NHSL1: variants seen among roughly 807,000 people sequenced by gnomAD.
NHSL1 encodes NHS-like protein 1.
A neutral mutation model predicts 95.0 loss-of-function variants in NHSL1; 48 were observed. The ratio of observed to expected loss-of-function variants is 0.51; its 90% confidence interval spans 0.40 to 0.64. The LOEUF is 0.64. Among genes scored for constraint, NHSL1 ranks in the 30% least tolerant of loss-of-function variants. NHSL1 has a pLI of 0.00. For missense variants in NHSL1, 1,971 were observed against 2,077.7 expected (o/e 0.95, Z 1.00); for synonymous variants, 783 against 833.9 (o/e 0.94, Z 1.05).
chr6:138,609,667 G>A (rs770583174), intron 1 of NHSL1, among the ~76,000 whole-genome samples: 13 of 147,884 alleles, frequency 8.8e-5, no homozygotes, highest in South Asian at 2.2e-4. Context: ...GGAGAATGGC[G>A]TGAACCCGGG....
chr6:138,462,152 T>A (rs969190469), intron 3 of NHSL1, among the ~76,000 whole-genome samples: 3 of 152,210 alleles, frequency 2.0e-5, no homozygotes, highest in Admixed American at 1.3e-4. Flanking sequence ...TCTGTTGCTA[T>A]AAAAGAATAT....
intron 1 of NHSL1, among the ~76,000 whole-genome samples, chr6:138,665,873 T>G (rs1785287578): frequency 6.6e-6 from 1 of 152,214 alleles, no homozygotes; most frequent in Non-Finnish European, 1.5e-5. Context: ...TGATTAAGTT[T>G]CTCCCCAGTT....
chr6:138,581,857 G>T lies in NHSL1; in HGVS notation c.97-85486C>A, dbSNP rs1180695145. On this transcript the variant is annotated intron_variant, in intron 1 of 3. Coordinates refer to the NHSL1 transcript ENST00000491526. ...TCTGTTATATCAGAATGCTCTGAATGAGGAAAAAAAATTAGATTTTGAGGT... is the reference window on the plus strand; with the variant it reads ...TCTGTTATATCAGAATGCTCTGAATTAGGAAAAAAAATTAGATTTTGAGGT... Among the ~76,000 whole-genome samples, 7 of 150,596 alleles carry T rather than the reference G, an allele frequency of 4.6e-5. No individual in the cohort carries two copies. The East Asian group carries it at 7.8e-4, about 17-fold the overall frequency.
intron 2 of NHSL1, among the ~76,000 whole-genome samples, chr6:138,473,737 AGGGTAATTATATTATT>A: frequency 6.6e-6 from 1 of 152,148 alleles, no homozygotes; most frequent in Non-Finnish European, 1.5e-5. Flanking sequence ...ATTGAAGTTT[AGGGTAATTATATTATT>A]TGCTCAATAA....
In NHSL1 at chr6:138,491,561, T is replaced by G. The variant is rs1331656179; in HGVS notation, c.211+4658A>C. On this transcript the variant is annotated intron_variant, in intron 2 of 7. Coordinates refer to ENST00000343505, the MANE Select transcript of NHSL1 (RefSeq NM_001144060.2). ...TCATCACAGCTATCTCCAATGAAGTTCATGAAGGATTCAAACAATGATGGA... is the reference window on the plus strand; with the variant it reads ...TCATCACAGCTATCTCCAATGAAGTGCATGAAGGATTCAAACAATGATGGA... 2.0e-5 allele frequency among the ~76,000 whole-genome samples: 3 copies of G among 152,202 alleles called. No homozygotes were observed. The East Asian group carries it at 5.8e-4, about 29-fold the overall frequency.
intron 2 of NHSL1, among the ~76,000 whole-genome samples, chr6:138,490,169 G>GA (rs1343568790): frequency 1.3e-5 from 2 of 151,868 alleles, no homozygotes; most frequent in African/African-American, 4.8e-5. Flanking sequence ...TAAAGTTACA[G>GA]AAAAAAAGAT....
At chr6:138,663,496 G>A (rs1362082901) in intron 1 of NHSL1, among the ~76,000 whole-genome samples, 4 of 148,762 alleles carry the variant, frequency 2.7e-5, no homozygotes, top group East Asian at 2.0e-4. Flanking sequence ...GGGGGCAGAC[G>A]TTGTGTTGAA....
chr6:138,567,490 T>C (rs1216558041), intron 1 of NHSL1, among the ~76,000 whole-genome samples: 1 of 152,186 alleles, frequency 6.6e-6, no homozygotes, highest in Non-Finnish European at 1.5e-5. Context: ...AGATCACAGC[T>C]ATTTACATGG....
At chr6:138,480,408 C>T (rs1490341480) in intron 2 of NHSL1, among the ~76,000 whole-genome samples, 1 of 152,196 alleles carries the variant, frequency 6.6e-6, no homozygotes, top group Admixed American at 6.5e-5. Flanking sequence ...TAAGTGGACC[C>T]TCCAAGTTCA....
intron 3 of NHSL1, among the ~76,000 whole-genome samples, chr6:138,449,066 A>G (rs1216755119): frequency 6.6e-6 from 1 of 152,012 alleles, no homozygotes; most frequent in Admixed American, 6.5e-5. Flanking sequence ...AAAAAAAAAA[A>G]AAAAAAAAAT....
chr6:138,598,230 A>G (rs144316666), intron 1 of NHSL1, among the ~76,000 whole-genome samples: 1,780 of 152,234 alleles, frequency 0.012, 28 homozygotes, highest in African/African-American at 0.041. Context: ...AGGCCGAGGT[A>G]GATGGATCAC....
upstream of NHSL1, among the ~76,000 whole-genome samples, chr6:138,501,622 G>T (rs767272533): frequency 9.2e-5 from 14 of 152,174 alleles, no homozygotes; most frequent in African/African-American, 1.4e-4. Flanking sequence ...CATCCCCCAG[G>T]ACTAGAGAAG....
At chr6:138,559,629 T>C (rs1783337594) in intron 1 of NHSL1, among the ~76,000 whole-genome samples, 2 of 152,114 alleles carry the variant, frequency 1.3e-5, no homozygotes, top group South Asian at 4.2e-4. Flanking sequence ...TCTACAGAAA[T>C]TCCATCATAG....
rs145867384 is a variant in NHSL1, at chr6:138,624,181, G to A, written c.96+68295C>T. ...AGAAGAGGTGGCAGCAATGGTGGAC[G>A]CTAAGAGAGTGCATCTCCACCTTTA... On this transcript the variant is annotated intron_variant, in intron 1 of 3. Coordinates refer to the NHSL1 transcript ENST00000491526. Among the ~76,000 whole-genome samples the A allele has an allele frequency of 5.5e-3, 834 of 152,250 alleles. 4 individuals are homozygous for A. Among genetic ancestry groups the A allele is most frequent in the South Asian group, 0.015 (72 of 4,822 alleles).
chr6:138,567,462 G>C (rs904342541), intron 1 of NHSL1, among the ~76,000 whole-genome samples: 10 of 152,060 alleles, frequency 6.6e-5, no homozygotes, highest in African/African-American at 2.4e-4. Context: ...CCAATTTAAG[G>C]ATTTTATTAT....
Position 138,430,909 on chromosome 6 carries a change from T to C in NHSL1, c.3436A>G (p.Ser1146Gly). The C allele has an allele frequency of 1.3e-6, 2 of 1,551,522 alleles. No individual in the cohort carries two copies. The highest frequency in any genetic ancestry group is 1.7e-6 in the Non-Finnish European group (2 of 1,146,856). Residue 1146 changes from serine to glycine, a missense_variant, in exon 6 of 8, where the codon AGT becomes GGT. Transcript: ENST00000343505. This position sits in a 1 kb window ranked among gnomAD's most constrained non-coding sequence, Gnocchi z 4.7. ...SSLPTPAKSS[S>G]QGDHGSAAER... ...GCCGCACTGCCATGGTCACCCTGAC[T>C]CGAGCTCTTGGCAGGCGTCGGAAGC...
intron 1 of NHSL1, among the ~76,000 whole-genome samples, chr6:138,532,480 C>T (rs1042873731): frequency 5.9e-5 from 9 of 152,100 alleles, no homozygotes; most frequent in Non-Finnish European, 1.2e-4. Flanking sequence ...TAACAGTCAT[C>T]TCACTGAGGC....
intron 1 of NHSL1, among the ~76,000 whole-genome samples, chr6:138,536,578 G>C (rs973873481): frequency 7.3e-6 from 1 of 137,818 alleles, no homozygotes; most frequent in African/African-American, 2.6e-5. Context: ...AGATTCCGTG[G>C]TTTTGGAGAG....
chr6:138,677,312 C>T (rs1382115391), intron 1 of NHSL1, among the ~76,000 whole-genome samples: 3 of 152,040 alleles, frequency 2.0e-5, no homozygotes, highest in African/African-American at 4.8e-5. Flanking sequence ...ATCCTCTCTC[C>T]TCCAATTTTG....
Sources: gnomAD v4.1 joint callset for allele counts (sites outside exome capture counted in the v4.1 genomes callset) on GRCh38, gnomAD v4.1.1 for gene constraint, Gnocchi (gnomAD v3.1) non-coding constraint, MANE v1.5 for transcripts, NCBI Gene and HGNC (gene_info 2026-07-23, HGNC 2026-07-21) for gene names.